VSIG4: variants seen among roughly 807,000 people sequenced by gnomAD.
The protein encoded by VSIG4 is V-set and immunoglobulin domain containing 4.
A neutral mutation model predicts 23.4 loss-of-function variants in VSIG4; 34 were observed. That is an observed-to-expected ratio of 1.45 (90% confidence interval 1.10 to 1.93). The LOEUF (loss-of-function observed/expected upper bound fraction) is 1.93. VSIG4 is among the 30% of genes most tolerant of loss of function. The pLI, the probability that VSIG4 is intolerant of heterozygous loss-of-function variation, is 0.00. For synonymous variants in VSIG4, 169 were observed against 120.3 expected, an observed-to-expected ratio of 1.41 and a Z score of -2.65; for missense variants, 433 against 310.8, an observed-to-expected ratio of 1.39 and a Z score of -2.96.
intron 1 of VSIG4, among the ~76,000 whole-genome samples, chrX:66,036,954 AT>A (rs1295525998): frequency 1.1e-4 from 4 of 36,677 alleles, no homozygotes; most frequent in African/African-American, 6.9e-4. Context: ...GATATATTAT[AT>A]TATATTATAT....
chrX:66,037,333 A>G (rs1363159952), intron 1 of VSIG4, among the ~76,000 whole-genome samples: 2 of 780 alleles, frequency 2.6e-3, no homozygotes, highest in East Asian at 0.056. Flanking sequence ...ATTATATAAT[A>G]ATATAATATA....
At chrX:66,036,325 G>C (rs762290784) in intron 1 of VSIG4, among the ~76,000 whole-genome samples, 1 of 108,438 alleles carries the variant, frequency 9.2e-6, no homozygotes, top group Non-Finnish European at 1.9e-5. Context: ...TATTCCTCAT[G>C]TTTTCTGATC....
intron 1 of VSIG4, among the ~76,000 whole-genome samples, chrX:66,036,844 A>C (rs2085565878): frequency 2.6e-5 from 1 of 38,131 alleles, no homozygotes. Flanking sequence ...ATGTTATATA[A>C]TATATTATAT....
At chrX:66,029,267 G>C (rs750358368) in intron 3 of VSIG4, among the ~76,000 whole-genome samples, 5 of 111,604 alleles carry the variant, frequency 4.5e-5, no homozygotes, top group Admixed American at 9.5e-5. Flanking sequence ...TTTGAGAAAG[G>C]TTTACTTCCT....
chrX:66,033,032 CT>C (rs1275437848), intron 2 of VSIG4, among the ~76,000 whole-genome samples: 1 of 111,535 alleles, frequency 9.0e-6, no homozygotes, highest in Non-Finnish European at 1.9e-5. Flanking sequence ...TCAAGTAGAG[CT>C]TTTGATTACC....
rs201236670 is a variant in VSIG4 at position 66,033,828 on chromosome X, G to A, written c.58C>T (p.Arg20Cys). 1.3e-4 allele frequency: 157 copies of A among 1,192,354 alleles called. No homozygotes were observed. The East Asian group carries it at 2.5e-3, about 19-fold the overall frequency. ...CTCTCTGGCACTTCCAGGATGGGAC[G>A]GCCTGAAGAGGCGGAACAGAGGAAA... ...LGHLTVDTYGRPILEVPESVT... is the reference protein window; with the variant it reads ...LGHLTVDTYGCPILEVPESVT... The change falls in exon 2 of 8, where the codon CGT (arginine) becomes TGT (cysteine). Residue 20 changes from arginine to cysteine, a missense_variant and splice_region_variant. Arg to Cys is a radical substitution (Grantham distance 180). Transcript: ENST00000374737.
Position 66,028,056 on chromosome X carries a change from AG to A in VSIG4, c.750del (p.Leu251Ter). The A allele has an allele frequency of 8.3e-7, 1 of 1,210,101 alleles. No homozygotes were observed. Among genetic ancestry groups the A allele is most frequent in the Non-Finnish European group, 1.1e-6 (1 of 894,368 alleles). ...KTEAPTTMTY[P>X]LKATSTVKQS... ...AGACTCTAGCAAAACTCACCTTTCAAGGGGTATGTCATGGTTGTAGGTGCCT... is the reference window on the plus strand; with the variant it reads ...AGACTCTAGCAAAACTCACCTTTCAAGGGTATGTCATGGTTGTAGGTGCCT... On this transcript the variant is annotated frameshift_variant, in exon 4 of 8. Coordinates refer to ENST00000374737, the MANE Select transcript of VSIG4 (RefSeq NM_007268.3). LOFTEE classifies it high-confidence loss of function.
In VSIG4 at chrX:66,025,108, G is replaced by T. The variant is rs1348089395; in HGVS notation, c.857C>A (p.Ala286Asp). Residue 286 changes from alanine to aspartate, a missense_variant, in exon 6 of 8, where the codon GCC (alanine) becomes GAC (aspartate). Ala to Asp is a moderately radical substitution (Grantham distance 126, BLOSUM62 -2). Coordinates refer to ENST00000374737, the MANE Select transcript of VSIG4 (RefSeq NM_007268.3). ...AGPGKSLPVFAIILIISLCCM... is the reference protein window; with the variant it reads ...AGPGKSLPVFDIILIISLCCM... Reference sequence around the variant, plus strand: ...GCACAAGGAGATGATGAGGATGATGGCAAAGACAGGCAGGCTCTTTCCTAG... The same window carrying T: ...GCACAAGGAGATGATGAGGATGATGTCAAAGACAGGCAGGCTCTTTCCTAG... 1 of 1,196,151 alleles carries T rather than the reference G, an allele frequency of 8.4e-7. No homozygotes were observed. The highest frequency in any genetic ancestry group is 3.0e-5 in the East Asian group (1 of 33,250).
In VSIG4 at chrX:66,022,332, G is replaced by C. The variant is rs200220547; in HGVS notation, c.1131C>G (p.Tyr377Ter). Reference protein sequence around the residue: ...YQIIAQINGNYARLLDTVPLD... With the variant: ...YQIIAQINGN ...GAGGAACTGTGTCCAGCAGGCGGGC[G>C]TAGTTGCCATTGATCTGGGCGATGA... Residue 377 changes from tyrosine (Y) to a stop codon, truncating the protein, a stop_gained, in exon 8 of 8, where the codon TAC becomes TAG. Transcript: ENST00000374737. LOFTEE classifies it low-confidence loss of function (END_TRUNC). 4.3e-5 allele frequency: 52 copies of C among 1,211,160 alleles called. No homozygotes were observed. The Admixed American group carries it at 6.1e-4, about 14-fold the overall frequency.
At chrX:66,036,944 G>A (rs868834567) in intron 1 of VSIG4, among the ~76,000 whole-genome samples, 20 of 11,186 alleles carry the variant, frequency 1.8e-3, no homozygotes, top group African/African-American at 2.9e-3. Context: ...TATATTATAT[G>A]ATATATTATA....
chrX:66,039,311 C>A (rs1016825706), intron 1 of VSIG4, among the ~76,000 whole-genome samples: 40 of 111,628 alleles, frequency 3.6e-4, no homozygotes, highest in African/African-American at 1.2e-3. Context: ...TGTGTAGCCC[C>A]AAGAAGCAAA....
chrX:66,023,359 T>A (rs965015150), intron 6 of VSIG4, among the ~76,000 whole-genome samples: 1 of 111,796 alleles, frequency 8.9e-6, no homozygotes, highest in Non-Finnish European at 1.9e-5. Context: ...TGCCCCCTAG[T>A]GTCTGTGGAG....
chrX:66,037,988 C>T (rs1216054510), intron 1 of VSIG4, among the ~76,000 whole-genome samples: 1 of 109,674 alleles, frequency 9.1e-6, no homozygotes, highest in Non-Finnish European at 1.9e-5. Flanking sequence ...AAGAGGTTGA[C>T]ATTTTCCATA....
In VSIG4 at chrX:66,032,691, C is replaced by T; in HGVS notation, c.471G>A (p.Gln157=). The T allele has an allele frequency of 8.3e-7, 1 of 1,211,507 alleles. No individual in the cohort carries two copies. The highest frequency in any genetic ancestry group is 1.8e-5 in the South Asian group (1 of 56,977). ...TGSGYGFTVP[Q]GMRISLQCQA... ...GGCATTGAAGGCTAATCCTCATTCC[C>T]TGGGGCACCGTGAAGCCATAACCGC... Residue 157 remains glutamine (Q), a synonymous_variant, in exon 3 of 8, where the codon CAG becomes CAA. Coordinates refer to ENST00000374737, the MANE Select transcript of VSIG4 (RefSeq NM_007268.3).
In VSIG4 at chrX:66,039,943, C is replaced by T; in HGVS notation, c.55+1G>A. 2 of 1,211,364 alleles carry T rather than the reference C, an allele frequency of 1.7e-6. No homozygotes were observed. Among genetic ancestry groups the T allele is most frequent in the Non-Finnish European group, 2.2e-6 (2 of 895,215 alleles). ...CAGCCAGGCCCCCCTTTCTGCCTTA[C>T]CATAAGTGTCCACTGTTAGGTGCCC... On this transcript the variant is annotated splice_donor_variant, in intron 1 of 7. Transcript: ENST00000374737. LOFTEE classifies it high-confidence loss of function.
Position 66,032,525 on chromosome X carries a change from C to T in VSIG4, c.637G>A (p.Ala213Thr), listed in dbSNP as rs2085475506. The change falls in exon 3 of 8, where the codon GCC (alanine) becomes ACC (threonine). Residue 213 changes from alanine (A) to threonine (T), a missense_variant. By Grantham distance (58) the Ala-to-Thr change is moderately conservative. Coordinates refer to ENST00000374737, the MANE Select transcript of VSIG4 (RefSeq NM_007268.3). The part of the protein sequence containing the change: ...IADSGSYFCT[A>T]KGQVGSEQHS... ...TGCTCAGAGCCAACCTGGCCCTTGG[C>T]AGTGCAGAAATAGGAGCCTGAGTCG... The T allele has an allele frequency of 8.3e-7, 1 of 1,210,299 alleles. No individual in the cohort carries two copies.
chrX:66,025,734 C>A (rs1295204147), intron 5 of VSIG4, among the ~76,000 whole-genome samples: 1 of 112,079 alleles, frequency 8.9e-6, no homozygotes, highest in African/African-American at 3.2e-5. Flanking sequence ...ATTCCTGGAA[C>A]CTGTCAGTAT....
At chrX:66,022,772 A>T in intron 7 of VSIG4, 69 bp downstream of exon 7, 1 of 1,209,765 alleles carries the variant, frequency 8.3e-7, no homozygotes, top group South Asian at 1.8e-5. Context: ...CTTCCTCCAC[A>T]TTTCCTGCCA....
chrX:66,022,639 T>A, intron 7 of VSIG4, 139 bp from the exon 8 acceptor site: 1 of 1,127,251 alleles, frequency 8.9e-7, no homozygotes, highest in Non-Finnish European at 1.2e-6. Context: ...GGCAGATGGA[T>A]CTAAATTATC....
Sources: gnomAD v4.1 joint callset for allele counts (sites outside exome capture counted in the v4.1 genomes callset) on GRCh38, gnomAD v4.1.1 for gene constraint, MANE v1.5 for transcripts, NCBI Gene and HGNC (gene_info 2026-07-23, HGNC 2026-07-21) for gene names.